PDE4D: variants seen among roughly 807,000 people sequenced by gnomAD.
PDE4D encodes phosphodiesterase 4D.
In PDE4D, 24 loss-of-function variants were observed where a neutral mutation model predicts 87.4. The observed-to-expected ratio is 0.27, with a 90% CI of 0.20 to 0.39. The LOEUF (loss-of-function observed/expected upper bound fraction) is 0.39. PDE4D is among the 10% of genes least tolerant of loss of function. The pLI, the probability that PDE4D is intolerant of heterozygous loss-of-function variation, is 1.00. For synonymous variants in PDE4D, 384 were observed against 383.2 expected, an observed-to-expected ratio of 1.00 and a Z score of -0.02; for missense variants, 714 against 1,041.0, an observed-to-expected ratio of 0.69 and a Z score of 4.32.
At chr5:59,745,345 G>A (rs1479708009) in intron 1 of PDE4D, among the ~76,000 whole-genome samples, 1 of 152,102 alleles carries the variant, frequency 6.6e-6, no homozygotes, top group African/African-American at 2.4e-5. Context: ...GTATTTCTTA[G>A]AGTTCTCCCT....
intron 1 of PDE4D, among the ~76,000 whole-genome samples, chr5:60,249,389 TGAAATG>T (rs1748169983): frequency 6.6e-6 from 1 of 152,056 alleles, no homozygotes; most frequent in Non-Finnish European, 1.5e-5. Flanking sequence ...TGACTCTTAG[TGAAATG>T]GATCATTCAA....
At chr5:60,352,089 G>A (rs1759251608) in intron 1 of PDE4D, among the ~76,000 whole-genome samples, 1 of 151,888 alleles carries the variant, frequency 6.6e-6, no homozygotes, top group African/African-American at 2.4e-5. Context: ...ACAGGTATGA[G>A]CCACAGTACT....
intron 1 of PDE4D, among the ~76,000 whole-genome samples, chr5:59,354,419 C>T (rs1781023022): frequency 6.6e-6 from 1 of 151,994 alleles, no homozygotes; most frequent in African/African-American, 2.4e-5. Context: ...CCTTTAATTC[C>T]AAGAATGCTA....
intron 1 of PDE4D, among the ~76,000 whole-genome samples, chr5:60,426,957 G>A (rs772091061): frequency 3.9e-5 from 6 of 152,086 alleles, no homozygotes; most frequent in Non-Finnish European, 7.4e-5. Context: ...GCTGATTAGA[G>A]ATGGCAGAAG....
intron 1 of PDE4D, among the ~76,000 whole-genome samples, chr5:59,351,133 A>T (rs1780467812): frequency 6.6e-6 from 1 of 152,194 alleles, no homozygotes; most frequent in African/African-American, 2.4e-5. Context: ...ATTCACGTAC[A>T]TGCTTTCATC....
chr5:59,083,637 T>C (rs549157426), intron 5 of PDE4D, among the ~76,000 whole-genome samples: 10 of 152,204 alleles, frequency 6.6e-5, no homozygotes, highest in African/African-American at 2.2e-4. Flanking sequence ...TCATACTTAA[T>C]GGTTATATTC....
At chr5:60,200,999 T>G (rs1266245345) in intron 1 of PDE4D, among the ~76,000 whole-genome samples, 1 of 152,016 alleles carries the variant, frequency 6.6e-6, no homozygotes. Context: ...ATGTCTTGCT[T>G]AGTGATCAAA....
chr5:59,932,710 C>A (rs543930773), intron 3 of PDE4D, among the ~76,000 whole-genome samples: 1 of 152,182 alleles, frequency 6.6e-6, no homozygotes, highest in East Asian at 1.9e-4. Context: ...TTTATCCCAA[C>A]TTGGAGGAAT....
chr5:59,779,824 T>G (rs925899791), intron 1 of PDE4D, among the ~76,000 whole-genome samples: 2 of 152,264 alleles, frequency 1.3e-5, no homozygotes, highest in Admixed American at 1.3e-4. Context: ...GCCAAGTATT[T>G]TTTTTAATAA....
intron 1 of PDE4D, among the ~76,000 whole-genome samples, chr5:59,743,709 T>C (rs1265995032): frequency 6.6e-6 from 1 of 152,148 alleles, no homozygotes; most frequent in Non-Finnish European, 1.5e-5. Flanking sequence ...AAAGAGACAT[T>C]TGTGCAAGTT....
intron 1 of PDE4D, among the ~76,000 whole-genome samples, chr5:60,407,584 C>G (rs912369620): frequency 6.7e-6 from 1 of 149,446 alleles, no homozygotes; most frequent in Middle Eastern, 3.5e-3. Context: ...CTCTGAGTAG[C>G]TGGGACTGCA....
chr5:60,134,364 AGGT>A (rs1197081358), intron 2 of PDE4D, among the ~76,000 whole-genome samples: 8 of 152,098 alleles, frequency 5.3e-5, no homozygotes, highest in Non-Finnish European at 1.2e-4. Context: ...TAAATGATCC[AGGT>A]GGTGGCCCAC....
chr5:59,683,293 T>C (rs1243572697), intron 1 of PDE4D, among the ~76,000 whole-genome samples: 1 of 152,108 alleles, frequency 6.6e-6, no homozygotes, highest in Admixed American at 6.5e-5. Flanking sequence ...TGTAGTAAAA[T>C]GTTAACATTT....
chr5:59,127,630 C>T (rs1011610773), intron 5 of PDE4D, among the ~76,000 whole-genome samples: 2 of 144,718 alleles, frequency 1.4e-5, no homozygotes, highest in African/African-American at 5.0e-5. Context: ...ACCTCACCCC[C>T]CACACTCCAG....
chr5:59,705,204 G>C (rs1561509561), intron 1 of PDE4D, among the ~76,000 whole-genome samples: 3 of 152,138 alleles, frequency 2.0e-5, no homozygotes, highest in African/African-American at 4.8e-5. Context: ...TTCCAGGCCT[G>C]AGAAGAAGAG....
intron 1 of PDE4D, among the ~76,000 whole-genome samples, chr5:59,545,356 A>C (rs992269440): frequency 2.6e-5 from 4 of 152,150 alleles, no homozygotes; most frequent in African/African-American, 9.7e-5. Flanking sequence ...ACGTAAAAAA[A>C]AAAATGTTGC....
At chr5:60,064,177 TAA>T in intron 2 of PDE4D, among the ~76,000 whole-genome samples, 1 of 152,262 alleles carries the variant, frequency 6.6e-6, no homozygotes, top group East Asian at 1.9e-4. Context: ...TTCCATTTTT[TAA>T]AAGTTTTTAT....
rs180679181 is a variant in PDE4D, at chr5:60,446,187, A to G, written c.-90+41755T>C. Among the ~76,000 whole-genome samples, 328 of 152,236 alleles carry G rather than the reference A, an allele frequency of 2.2e-3. 2 individuals carry two copies. Among genetic ancestry groups the G allele is most frequent in the Non-Finnish European group, 9.3e-4 (63 of 68,000 alleles). On this transcript the variant is annotated intron_variant, in intron 1 of 16. Coordinates refer to the PDE4D transcript ENST00000502484. ...ATGTGCCCTCTCATGCACTGCTGGT[A>G]GGAGAATAAACTGAAGGGGAAAAAA...
At chr5:59,899,567 AAAT>A (rs746859440) in intron 3 of PDE4D, among the ~76,000 whole-genome samples, 14 of 152,090 alleles carry the variant, frequency 9.2e-5, no homozygotes, top group Non-Finnish European at 1.6e-4. Context: ...AGAGAAATAT[AAAT>A]AATAATATCA....
Sources: allele counts gnomAD v4.1 joint callset (sites outside exome capture counted in the v4.1 genomes callset), GRCh38; gene constraint gnomAD v4.1.1; transcripts MANE v1.5; gene names NCBI Gene and HGNC (gene_info 2026-07-23, HGNC 2026-07-21).